GRIP1: variants seen among roughly 807,000 people sequenced by gnomAD.
GRIP1 encodes the protein glutamate receptor interacting protein 1.
A neutral mutation model predicts 129.9 loss-of-function variants in GRIP1; 45 were observed. The observed-to-expected ratio is 0.35, with a 90% CI of 0.27 to 0.44. The LOEUF is 0.44. Among genes scored for constraint, GRIP1 ranks in the 20% least tolerant of loss-of-function variants. The pLI is 1.00. For synonymous variants in GRIP1, 530 were observed against 520.8 expected, an observed-to-expected ratio of 1.02 and a Z score of -0.24; for missense variants, 1,196 against 1,396.8, an observed-to-expected ratio of 0.86 and a Z score of 2.29.
Position 66,574,251 on chromosome 12 carries a change from G to C in GRIP1, c.136+22596C>G, listed in dbSNP as rs564990744. Among the ~76,000 whole-genome samples, 87 of 152,180 alleles carry C rather than the reference G, an allele frequency of 5.7e-4. 1 individual carries two copies. The highest frequency in any genetic ancestry group is 9.8e-4 in the Non-Finnish European group (67 of 68,036). On this transcript the variant is annotated intron_variant, in intron 2 of 24. Transcript: ENST00000359742. ...CGTCAATTCACTGATATTCTTTCCTGTCATTATAGCGGTTTTAAAAAAATT... is the reference window on the plus strand; with the variant it reads ...CGTCAATTCACTGATATTCTTTCCTCTCATTATAGCGGTTTTAAAAAAATT...
At chr12:66,773,812 A>T (rs2037894382) in intron 1 of GRIP1, among the ~76,000 whole-genome samples, 1 of 152,218 alleles carries the variant, frequency 6.6e-6, no homozygotes, top group South Asian at 2.1e-4. Flanking sequence ...AAACAGAAGT[A>T]TTAAACTTTT....
chr12:66,523,837 T>C (rs1448208452), intron 5 of GRIP1, among the ~76,000 whole-genome samples: 2 of 152,062 alleles, frequency 1.3e-5, no homozygotes, highest in African/African-American at 4.8e-5. Context: ...GAGGAAGATC[T>C]ACCAAGCAAA....
chr12:66,587,173 CTGTT>C (rs1457788485), intron 2 of GRIP1, among the ~76,000 whole-genome samples: 1 of 152,226 alleles, frequency 6.6e-6, no homozygotes, highest in South Asian at 2.1e-4. Flanking sequence ...GTTTCTTTCT[CTGTT>C]TATTTAAAAG....
intron 1 of GRIP1, among the ~76,000 whole-genome samples, chr12:66,689,899 A>T (rs1437028805): frequency 6.6e-6 from 1 of 152,074 alleles, no homozygotes; most frequent in South Asian, 2.1e-4. Context: ...TTGTAATTTT[A>T]AAATTATTTA....
At chr12:66,637,100 C>G (rs7955723) in intron 1 of GRIP1, among the ~76,000 whole-genome samples, 8,212 of 152,008 alleles carry the variant, frequency 0.054, 385 homozygotes, top group African/African-American at 0.12. Context: ...GGGAACCTAG[C>G]GTGTGTGTAA....
At chr12:66,552,584 T>C (rs1466645115) in intron 2 of GRIP1, among the ~76,000 whole-genome samples, 1 of 152,186 alleles carries the variant, frequency 6.6e-6, no homozygotes, top group Admixed American at 6.5e-5. Context: ...TTCCGCCTCA[T>C]GTAACTAAAT....
At chr12:66,970,540 CT>C (rs3051201) in intron 1 of GRIP1, among the ~76,000 whole-genome samples, 2,180 of 129,712 alleles carry the variant, frequency 0.017, 34 homozygotes, top group African/African-American at 0.036. Flanking sequence ...CCTCTAGTGT[CT>C]TTTTTTTTTT....
At chr12:66,955,321 G>A (rs1592388636) in intron 1 of GRIP1, among the ~76,000 whole-genome samples, 1 of 151,830 alleles carries the variant, frequency 6.6e-6, no homozygotes. Flanking sequence ...AAGCACACAC[G>A]GAGAACCACT....
intron 2 of GRIP1, among the ~76,000 whole-genome samples, chr12:66,544,937 C>T (rs1030151301): frequency 6.6e-6 from 1 of 152,266 alleles, no homozygotes; most frequent in African/African-American, 2.4e-5. Flanking sequence ...TCAAGGCTTA[C>T]TGAACAAACA....
intron 1 of GRIP1, among the ~76,000 whole-genome samples, chr12:67,054,497 C>T (rs745568553): frequency 6.6e-6 from 1 of 152,136 alleles, no homozygotes; most frequent in Non-Finnish European, 1.5e-5. Context: ...GGTGCAGTGG[C>T]TCACACCTGT....
intron 1 of GRIP1, among the ~76,000 whole-genome samples, chr12:66,640,192 C>T (rs10878476): frequency 0.05 from 7,633 of 152,222 alleles, 321 homozygotes; most frequent in African/African-American, 0.1. Flanking sequence ...ATAATTGTTG[C>T]TGTTATGCTT....
At chr12:66,635,152 C>T (rs1057139305) in intron 1 of GRIP1, among the ~76,000 whole-genome samples, 1 of 152,088 alleles carries the variant, frequency 6.6e-6, no homozygotes, top group Non-Finnish European at 1.5e-5. Flanking sequence ...GGTGCAGTGG[C>T]TCATGCCTGT....
chr12:66,914,872 C>T (rs1214837691), intron 1 of GRIP1, among the ~76,000 whole-genome samples: 1 of 152,112 alleles, frequency 6.6e-6, no homozygotes, highest in Non-Finnish European at 1.5e-5. Context: ...TCCTATAGTC[C>T]CAGCTACCTC....
At chr12:66,661,912 T>G (rs949332673) in intron 1 of GRIP1, among the ~76,000 whole-genome samples, 3 of 152,120 alleles carry the variant, frequency 2.0e-5, no homozygotes, top group Admixed American at 1.3e-4. Flanking sequence ...TGTGTACCAT[T>G]TGGGATAGTA....
chr12:66,360,948 C>T (rs966020694), intron 23 of GRIP1, among the ~76,000 whole-genome samples: 4 of 152,228 alleles, frequency 2.6e-5, no homozygotes, highest in African/African-American at 9.6e-5. Flanking sequence ...CTGACACCTA[C>T]TTCTCAGAAA....
chr12:66,672,303 T>C (rs1828751693), intron 1 of GRIP1, among the ~76,000 whole-genome samples: 1 of 152,194 alleles, frequency 6.6e-6, no homozygotes, highest in African/African-American at 2.4e-5. Flanking sequence ...GTTGGAATTA[T>C]TAGTAAGAAG....
chr12:66,596,118 C>T (rs1322969610), intron 2 of GRIP1, among the ~76,000 whole-genome samples: 2 of 152,122 alleles, frequency 1.3e-5, no homozygotes, highest in South Asian at 2.1e-4. Flanking sequence ...GCTTTTAACT[C>T]TTCTAAGTAC....
intron 7 of GRIP1, among the ~76,000 whole-genome samples, chr12:66,474,256 T>A (rs1014567879): frequency 1.1e-4 from 16 of 151,658 alleles, no homozygotes; most frequent in African/African-American, 3.9e-4. Flanking sequence ...CTTAATGAAA[T>A]AAAGTGTGAA....
rs188532782 is a variant in GRIP1 at position 66,881,051 on chromosome 12, G to A, written c.58+187999C>T. On this transcript the variant is annotated intron_variant, in intron 1 of 1. Coordinates refer to the GRIP1 transcript ENST00000643019. ...GTGTCTCAGGTAAGTAATAAAAGGA[G>A]GACTAAAGGGAGTTTTCACTTTTTT... Among the ~76,000 whole-genome samples the A allele has an allele frequency of 5.2e-3, 791 of 151,510 alleles. 11 individuals are homozygous for A. Among genetic ancestry groups the A allele is most frequent in the African/African-American group, 0.016 (668 of 41,296 alleles).
Sources: allele counts gnomAD v4.1 joint callset (sites outside exome capture counted in the v4.1 genomes callset), GRCh38; gene constraint gnomAD v4.1.1; transcripts MANE v1.5; gene names NCBI Gene and HGNC (gene_info 2026-07-23, HGNC 2026-07-21).